The following KCNMB2 variants were observed in gnomAD, a reference collection of about 807,000 sequenced individuals.
The protein encoded by KCNMB2 is calcium-activated potassium channel subunit beta-2.
A neutral mutation model predicts 24.5 loss-of-function variants in KCNMB2; 9 were observed. The ratio of observed to expected loss-of-function variants is 0.37; its 90% CI spans 0.22 to 0.64. KCNMB2 has a LOEUF of 0.64. Among genes scored for constraint, KCNMB2 ranks in the 30% least tolerant of loss-of-function variants. The pLI is 0.63. For missense variants in KCNMB2, 226 were observed against 284.3 expected (o/e 0.79, Z 1.47); for synonymous variants, 109 against 104.4 (o/e 1.04, Z -0.27).
At chr3:178,639,468 T>C (rs1719644890) in intron 1 of KCNMB2, among the ~76,000 whole-genome samples, 1 of 152,214 alleles carries the variant, frequency 6.6e-6, no homozygotes, top group South Asian at 2.1e-4. Flanking sequence ...ACTAGTTGTG[T>C]TATCGTGAGC....
chr3:178,636,863 C>T (rs1039929886), intron 1 of KCNMB2, among the ~76,000 whole-genome samples: 7 of 152,006 alleles, frequency 4.6e-5, no homozygotes, highest in African/African-American at 1.5e-4. Context: ...TAAGCCCATG[C>T]CCCCCAACAG....
chr3:178,544,611 C>T (rs1316992252), intron 1 of KCNMB2, among the ~76,000 whole-genome samples: 3 of 152,160 alleles, frequency 2.0e-5, no homozygotes, highest in Non-Finnish European at 4.4e-5. Flanking sequence ...CTTTGGCTTA[C>T]ATTTGCCAGC....
At chr3:178,644,710 C>T (rs1038684172) in intron 1 of KCNMB2, among the ~76,000 whole-genome samples, 1 of 152,146 alleles carries the variant, frequency 6.6e-6, no homozygotes, top group Non-Finnish European at 1.5e-5. Context: ...TTCGCACTAC[C>T]CAAAATTGTG....
chr3:178,778,502 A>ACACACC, intron 1 of KCNMB2, among the ~76,000 whole-genome samples: 1 of 140,804 alleles, frequency 7.1e-6, no homozygotes, highest in East Asian at 2.0e-4. Context: ...ACACACACAC[A>ACACACC]CCTGTTCCAG....
At chr3:178,793,688 A>G (rs1248731371) in intron 1 of KCNMB2, among the ~76,000 whole-genome samples, 2 of 152,158 alleles carry the variant, frequency 1.3e-5, no homozygotes, top group East Asian at 3.9e-4. Context: ...ACGATTAAGA[A>G]GGAGCCTGTC....
At chr3:178,656,688 G>T (rs201996726) in intron 1 of KCNMB2, among the ~76,000 whole-genome samples, 28 of 152,122 alleles carry the variant, frequency 1.8e-4, no homozygotes, top group Admixed American at 3.9e-4. Context: ...CAGGAGAATC[G>T]CTTGAACCGG....
chr3:178,614,287 A>ATG (rs1339066467), intron 1 of KCNMB2, among the ~76,000 whole-genome samples: 15 of 74,506 alleles, frequency 2.0e-4, no homozygotes, highest in African/African-American at 6.7e-4. Context: ...ATATATATAT[A>ATG]TATATATATG....
chr3:178,732,173 T>C (rs939194069), intron 1 of KCNMB2, among the ~76,000 whole-genome samples: 2 of 152,220 alleles, frequency 1.3e-5, no homozygotes, highest in Admixed American at 6.5e-5. Flanking sequence ...GGATATTTGA[T>C]TATACTAAGG....
intron 1 of KCNMB2, among the ~76,000 whole-genome samples, chr3:178,695,506 G>T (rs1721844154): frequency 1.3e-5 from 2 of 151,972 alleles, no homozygotes; most frequent in Admixed American, 6.6e-5. Flanking sequence ...ATCAACTCTT[G>T]AATGTCTTGC....
intron 1 of KCNMB2, among the ~76,000 whole-genome samples, chr3:178,581,961 C>G (rs1009357184): frequency 6.6e-6 from 1 of 152,142 alleles, no homozygotes; most frequent in Non-Finnish European, 1.5e-5. Context: ...GGCAGTTAGT[C>G]AAGGATCTAG....
At chr3:178,674,618 C>A (rs1270464883) in intron 1 of KCNMB2, among the ~76,000 whole-genome samples, 5 of 152,278 alleles carry the variant, frequency 3.3e-5, no homozygotes, top group Non-Finnish European at 5.9e-5. Context: ...CTCCCTGCTT[C>A]TACCTTCCCT....
At chr3:178,585,386 ATTAACCATCCCT>A (rs1358800407) in intron 1 of KCNMB2, among the ~76,000 whole-genome samples, 3 of 152,222 alleles carry the variant, frequency 2.0e-5, no homozygotes, top group African/African-American at 4.8e-5. Context: ...AAGTTATTAT[ATTAACCATCCCT>A]TTCACTAGAC....
chr3:178,804,587 T>C (rs1338098824), intron 1 of KCNMB2, among the ~76,000 whole-genome samples: 1 of 152,178 alleles, frequency 6.6e-6, no homozygotes, highest in Non-Finnish European at 1.5e-5. Flanking sequence ...TTCTATATCA[T>C]CTTGAAACAG....
At position 178,813,325 on chromosome 3, in the gene KCNMB2, T is replaced by C. The variant is rs191769363; in HGVS notation, c.56+5860T>C. On this transcript the variant is annotated intron_variant, in intron 2 of 4. Coordinates refer to ENST00000452583, the MANE Select transcript of KCNMB2 (RefSeq NM_181361.3). Reference sequence around the variant, plus strand: ...ATATCATGAATTATCATGATTGCAGTATCAATCATGATATCATTTTGCAAT... The same window carrying C: ...ATATCATGAATTATCATGATTGCAGCATCAATCATGATATCATTTTGCAAT... 1.1e-3 allele frequency among the ~76,000 whole-genome samples: 170 copies of C among 152,302 alleles called. 1 individual carries two copies. The South Asian group carries it at 0.013, about 12-fold the overall frequency.
chr3:178,784,904 AG>A (rs1713039365), intron 1 of KCNMB2, among the ~76,000 whole-genome samples: 1 of 150,836 alleles, frequency 6.6e-6, no homozygotes, highest in African/African-American at 2.4e-5. Flanking sequence ...AAACTATCCA[AG>A]AAAACCAAAA....
intron 1 of KCNMB2, among the ~76,000 whole-genome samples, chr3:178,710,848 C>T (rs1462117801): frequency 6.6e-6 from 1 of 152,118 alleles, no homozygotes; most frequent in Non-Finnish European, 1.5e-5. Context: ...GATCTGAGGT[C>T]CTTCTAATGC....
chr3:178,794,944 G>C (rs1289716334), intron 1 of KCNMB2, among the ~76,000 whole-genome samples: 1 of 152,156 alleles, frequency 6.6e-6, no homozygotes, highest in Non-Finnish European at 1.5e-5. Context: ...GGAGATGCTG[G>C]AATCCACAGT....
chr3:178,545,454 C>A (rs1715743584), intron 1 of KCNMB2, among the ~76,000 whole-genome samples: 3 of 152,192 alleles, frequency 2.0e-5, no homozygotes, highest in Admixed American at 6.5e-5. Flanking sequence ...TAAAATATCT[C>A]TCAAAGTAAA....
chr3:178,600,286 A>G (rs984898881), intron 1 of KCNMB2, among the ~76,000 whole-genome samples: 6 of 152,194 alleles, frequency 3.9e-5, no homozygotes, highest in African/African-American at 1.4e-4. Flanking sequence ...GTGTATATAT[A>G]TGCCACATTT....
Sources: allele counts gnomAD v4.1 joint callset (sites outside exome capture counted in the v4.1 genomes callset), GRCh38; gene constraint gnomAD v4.1.1; transcripts MANE v1.5; gene names NCBI Gene and HGNC (gene_info 2026-07-23, HGNC 2026-07-21).